The following PRR13 variants were observed in gnomAD, a reference collection of about 807,000 sequenced individuals.
PRR13 encodes the protein proline-rich protein 13.
A neutral mutation model predicts 11.5 loss-of-function variants in PRR13; 7 were observed. The ratio of observed to expected loss-of-function variants is 0.61; its 90% CI spans 0.34 to 1.14. PRR13 has a LOEUF of 1.14. Ranked by LOEUF, PRR13 falls within the 50% of genes most tolerant of loss-of-function variation. The pLI is 0.03. For missense variants in PRR13, 155 were observed against 194.4 expected, an observed-to-expected ratio of 0.80 and a Z score of 1.21; for synonymous variants, 53 against 67.8, an observed-to-expected ratio of 0.78 and a Z score of 1.07.
rs1410830885 is a variant in PRR13, at chr12:53,443,770, C to G, written c.399C>G (p.Gly133=). 6.2e-7 allele frequency: 1 copy of G among 1,602,482 alleles called. No individual in the cohort carries two copies. Among genetic ancestry groups the G allele is most frequent in the African/African-American group, 1.3e-5 (1 of 74,952 alleles). ...HQKHHKYHKH[G]KHSSSSSSSS... is the part of the protein sequence containing the mutation. ...AGCACCACAAGTACCACAAGCATGG[C>G]AAGGTCAGTACCCTCTGGAGACTGG... Residue 133 remains glycine, a synonymous_variant, in exon 3 of 4, where the codon GGC becomes GGG. Transcript: ENST00000429243.
intron 3 of PRR13, among the ~76,000 whole-genome samples, chr12:53,445,489 T>C (rs959108312): frequency 6.6e-6 from 1 of 152,180 alleles, no homozygotes; most frequent in Non-Finnish European, 1.5e-5. Context: ...TTAAGGAACC[T>C]TGAATAGAAC....
chr12:53,445,416 A>T (rs1306722507), intron 3 of PRR13, among the ~76,000 whole-genome samples: 4 of 151,994 alleles, frequency 2.6e-5, no homozygotes, highest in African/African-American at 9.7e-5. Flanking sequence ...AAGCGGGAGA[A>T]ATTACCCTGG....
rs1235355308 is a variant in PRR13, at chr12:53,441,754, G to C, written c.-59G>C. On this transcript the variant is annotated 5_prime_UTR_variant, in exon 1 of 4. Transcript: ENST00000429243. Reference sequence around the variant, plus strand: ...TGGGTGACTAGGAAGAGCCGAGACTGCGAAGGAGAACGCAGCAAGCCCAGG... The same window carrying C: ...TGGGTGACTAGGAAGAGCCGAGACTCCGAAGGAGAACGCAGCAAGCCCAGG... The C allele has an allele frequency of 2.8e-6, 2 of 702,092 alleles. No individual in the cohort carries two copies. The highest frequency in any genetic ancestry group is 5.4e-5 in the East Asian group (2 of 37,288). The allele number at this position is 702,092 out of a possible 1,614,324, so 43.5% of individuals were successfully genotyped here. A position where few individuals can be genotyped will look rare whatever the true frequency, so the allele number is the denominator to read the frequency against.
intron 1 of PRR13, 121 bp from the exon 2 acceptor site, chr12:53,442,574 G>GCC (rs1940314534): frequency 1.2e-6 from 1 of 815,280 alleles, no homozygotes; most frequent in Non-Finnish European, 2.1e-6. Flanking sequence ...TGGAAGTTGT[G>GCC]GTAGTTCTCC....
At position 53,443,715 on chromosome 12, in the gene PRR13, A is replaced by G. The variant is rs1214956873; in HGVS notation, c.344A>G (p.Lys115Arg). ...AAGAAGATGCAGAAGAAAATGAAGA[A>G]AGCTCATAAAAAGATGCACAAGCAC... ...VDKKMQKKMKKAHKKMHKHQK... is the reference protein window; with the variant it reads ...VDKKMQKKMKRAHKKMHKHQK... Residue 115 changes from lysine (K) to arginine (R), a missense_variant, in exon 3 of 4, where the codon AAA becomes AGA. Physicochemically the swap from Lys to Arg is conservative, Grantham distance 26. Coordinates refer to ENST00000429243, the MANE Select transcript of PRR13 (RefSeq NM_018457.4). 1.2e-6 allele frequency: 2 copies of G among 1,613,934 alleles called. No homozygotes were observed. Among genetic ancestry groups the G allele is most frequent in the Non-Finnish European group, 8.5e-7 (1 of 1,179,992 alleles).
intron 3 of PRR13, chr12:53,444,156 T>A: frequency 3.0e-6 from 1 of 337,558 alleles, no homozygotes. Flanking sequence ...CAAGGTCTTA[T>A]AATAATTAAC....
In PRR13 at chr12:53,443,434, T is replaced by C. The variant is rs759078165; in HGVS notation, c.63T>C (p.Pro21=). ...CATATCCCCCCAATATTGGGTGCCC[T>C]GGAGGTTCCAATCCTGCCCACCCAC... ...PNPYPPNIGC[P]GGSNPAHPPP... Residue 21 remains proline (P), a synonymous_variant, in exon 3 of 4, where the codon CCT becomes CCC. Transcript: ENST00000429243. 1.3e-5 allele frequency: 19 copies of C among 1,438,622 alleles called. No homozygotes were observed. The highest frequency in any genetic ancestry group is 5.7e-5 in the Admixed American group (2 of 34,844). The allele number at this position is 1,438,622 out of a possible 1,614,324, so 89.1% of individuals were successfully genotyped here.
intron 3 of PRR13, among the ~76,000 whole-genome samples, chr12:53,445,181 T>G (rs141885405): frequency 6.6e-6 from 1 of 151,768 alleles, no homozygotes; most frequent in African/African-American, 2.4e-5. Flanking sequence ...GAAACCTGTC[T>G]ACTAAAGATA....
rs375543391 is a variant in PRR13 at position 53,446,091 on chromosome 12, A to G, written c.*32A>G. ...GCCCTGGACCCTTCCCTCAAGTCTCACCAGTTCTGCTCTCCCATCAAGCTT... is the reference window on the plus strand; with the variant it reads ...GCCCTGGACCCTTCCCTCAAGTCTCGCCAGTTCTGCTCTCCCATCAAGCTT... On this transcript the variant is annotated 3_prime_UTR_variant, in exon 4 of 4. Coordinates refer to ENST00000429243, the MANE Select transcript of PRR13 (RefSeq NM_018457.4). The G allele has an allele frequency of 2.7e-5, 44 of 1,611,318 alleles. No individual in the cohort carries two copies. The highest frequency in any genetic ancestry group is 6.7e-5 in the African/African-American group (5 of 74,728).
In PRR13 at chr12:53,443,900, A is replaced by G. The variant is rs548219612; in HGVS notation, c.402+127A>G. ...GATGACAATTGTGTCGCTCTGGTAG[A>G]TGATTCTTCCTTTTTATAAAAGATT... On this transcript the variant is annotated intron_variant, in intron 3 of 3. Coordinates refer to ENST00000429243, the MANE Select transcript of PRR13 (RefSeq NM_018457.4). 1,968 of 1,128,256 alleles carry G rather than the reference A, an allele frequency of 1.7e-3. 2 individuals are homozygous for G. Among genetic ancestry groups the G allele is most frequent in the Non-Finnish European group, 2.3e-3 (1,825 of 806,478 alleles). 69.9% of individuals were successfully genotyped at this position (1,128,256 alleles called of 1,614,324 possible).
chr12:53,442,135 GAA>G (rs1473359902), intron 1 of PRR13: 1 of 390,054 alleles, frequency 2.6e-6, no homozygotes, highest in African/African-American at 2.1e-5. Context: ...GCCTACTTCC[GAA>G]GAGTTAGACG....
At chr12:53,444,608 C>T (rs1331818883) in intron 3 of PRR13, among the ~76,000 whole-genome samples, 3 of 152,192 alleles carry the variant, frequency 2.0e-5, no homozygotes, top group Non-Finnish European at 2.9e-5. Context: ...GGATTACAGG[C>T]GTGAGCCACT....
intron 1 of PRR13, chr12:53,442,430 A>G: frequency 3.0e-6 from 1 of 330,680 alleles, no homozygotes. Flanking sequence ...TTTTTAGTAG[A>G]GACGGGGTTT....
rs1940314348 is a variant in PRR13 at position 53,442,561 on chromosome 12, AT to A, written c.-20-133del. 4.1e-6 allele frequency: 3 copies of A among 739,086 alleles called. No homozygotes were observed. In the Admixed American group the frequency reaches 7.0e-5, roughly 17 times the overall value. The allele number at this position is 739,086 out of a possible 1,614,324, so 45.8% of individuals were successfully genotyped here. A position where few individuals can be genotyped will look rare whatever the true frequency, so the allele number is the denominator to read the frequency against. ...CCCAGCCAGAAAAGAGACATTTCTT[AT>A]GTGGAAGTTGTGGTAGTTCTCCAGG... On this transcript the variant is annotated intron_variant, in intron 1 of 3. Coordinates refer to ENST00000429243, the MANE Select transcript of PRR13 (RefSeq NM_018457.4).
intron 1 of PRR13, chr12:53,442,234 A>G (rs1940304782): frequency 4.2e-6 from 1 of 239,402 alleles, no homozygotes; most frequent in Admixed American, 5.4e-5. Flanking sequence ...AAGTGGAAAG[A>G]GACATTTCTT....
In PRR13 at chr12:53,443,372, T is replaced by C. The variant is rs931862510; in HGVS notation, c.20-19T>C. The C allele has an allele frequency of 5.0e-6, 7 of 1,387,138 alleles. No individual in the cohort carries two copies. Among genetic ancestry groups the C allele is most frequent in the Non-Finnish European group, 6.6e-6 (7 of 1,062,314 alleles). 85.9% of individuals were successfully genotyped at this position (1,387,138 alleles called of 1,614,324 possible). A position where few individuals can be genotyped will look rare whatever the true frequency, so the allele number is the denominator to read the frequency against. On this transcript the variant is annotated intron_variant, in intron 2 of 3. Coordinates refer to ENST00000429243, the MANE Select transcript of PRR13 (RefSeq NM_018457.4). ...GACTCTGGGGAATTCTAATGTTTATTCTCTGCTTCTTCCACCAGGGCAGCC... is the reference window on the plus strand; with the variant it reads ...GACTCTGGGGAATTCTAATGTTTATCCTCTGCTTCTTCCACCAGGGCAGCC...
At chr12:53,442,966 C>G in intron 2 of PRR13, 1 of 434,624 alleles carries the variant, frequency 2.3e-6, no homozygotes, top group East Asian at 3.8e-5. Context: ...AAGCGATTCT[C>G]CTGTTTCAGC....
intron 1 of PRR13, chr12:53,442,015 A>G (rs968779717): frequency 1.7e-6 from 1 of 593,618 alleles, no homozygotes; most frequent in African/African-American, 1.9e-5. Context: ...CCCCAGGGAG[A>G]GAGAAAGTTG....
chr12:53,441,775 C>T lies in PRR13; in HGVS notation c.-38C>T. 1.4e-6 allele frequency: 1 copy of T among 702,254 alleles called. No individual in the cohort carries two copies. Among genetic ancestry groups the T allele is most frequent in the Non-Finnish European group, 2.6e-6 (1 of 384,806 alleles). 43.5% of individuals were successfully genotyped at this position (702,254 alleles called of 1,614,324 possible). On this transcript the variant is annotated 5_prime_UTR_variant, in exon 1 of 4. Coordinates refer to ENST00000429243, the MANE Select transcript of PRR13 (RefSeq NM_018457.4). ...GACTGCGAAGGAGAACGCAGCAAGC[C>T]CAGGCGGCGGTGGAAAGGTGATGGG...
Sources: allele counts gnomAD v4.1 joint callset (sites outside exome capture counted in the v4.1 genomes callset), GRCh38; gene constraint gnomAD v4.1.1; transcripts MANE v1.5; gene names NCBI Gene and HGNC (gene_info 2026-07-23, HGNC 2026-07-21).